TMEM132C: variants seen among roughly 807,000 people sequenced by gnomAD.
TMEM132C encodes protein phosphatase 1, regulatory subunit 152.
TMEM132C carries 29 observed loss-of-function variants against 61.4 expected under a neutral mutation model. The observed-to-expected ratio is 0.47, with a 90% CI of 0.35 to 0.64. The LOEUF is 0.64. Ranked by LOEUF, TMEM132C falls within the 30% of genes least tolerant of loss-of-function variation. The pLI, the probability that TMEM132C is intolerant of heterozygous loss-of-function variation, is 0.00. For missense variants in TMEM132C, 1,408 were observed against 1,476.9 expected, an observed-to-expected ratio of 0.95 and a Z score of 0.76; for synonymous variants, 656 against 633.1, an observed-to-expected ratio of 1.04 and a Z score of -0.54.
rs1159367108 is a variant in TMEM132C, at chr12:128,705,492, G to C, written c.2524G>C (p.Gly842Arg). The change falls in exon 9 of 9, where the codon GGC becomes CGC. Residue 842 changes from glycine (G) to arginine (R), a missense_variant. Physicochemically the swap from Gly to Arg is moderately radical, Grantham distance 125 (BLOSUM62 -2). Coordinates refer to ENST00000435159, the MANE Select transcript of TMEM132C (RefSeq NM_001136103.3). Reference sequence around the variant, plus strand: ...CACAGGCCAAGATGGGCACCTCTATGGCAGCTCTCCCGTGGAGCGTGAGGA... The same window carrying C: ...CACAGGCCAAGATGGGCACCTCTATCGCAGCTCTCCCGTGGAGCGTGAGGA... The part of the protein sequence containing the change: ...ERTGQDGHLY[G>R]SSPVEREEGA... 2 of 1,551,084 alleles carry C rather than the reference G, an allele frequency of 1.3e-6. No homozygotes were observed. The highest frequency in any genetic ancestry group is 8.7e-7 in the Non-Finnish European group (1 of 1,146,954).
At chr12:128,664,255 T>A (rs1477165041) in intron 4 of TMEM132C, among the ~76,000 whole-genome samples, 2 of 110,274 alleles carry the variant, frequency 1.8e-5, no homozygotes, top group Non-Finnish European at 4.0e-5. Flanking sequence ...AGTAATTCCA[T>A]GTTCTTATTT....
At chr12:128,502,322 C>T (rs141200794) in intron 2 of TMEM132C, among the ~76,000 whole-genome samples, 10 of 152,226 alleles carry the variant, frequency 6.6e-5, no homozygotes, top group East Asian at 1.9e-4. Context: ...GGGAGAAGAC[C>T]GAGATGTGTG....
intron 4 of TMEM132C, among the ~76,000 whole-genome samples, chr12:128,627,436 C>T (rs1565995865): frequency 6.6e-6 from 1 of 152,160 alleles, no homozygotes; most frequent in Non-Finnish European, 1.5e-5. Context: ...TTATCCCTCT[C>T]CCCCAACCAC....
chr12:128,615,979 C>G (rs1384150593), intron 3 of TMEM132C, among the ~76,000 whole-genome samples, 173 bp from the exon 4 acceptor site: 2 of 152,222 alleles, frequency 1.3e-5, no homozygotes, highest in African/African-American at 2.4e-5. Context: ...TTCTCTGTCC[C>G]AGATGCCAGT....
At chr12:128,618,651 A>G (rs1006873863) in intron 4 of TMEM132C, among the ~76,000 whole-genome samples, 5 of 152,174 alleles carry the variant, frequency 3.3e-5, no homozygotes, top group African/African-American at 1.2e-4. Flanking sequence ...ATAAGTCTCA[A>G]AAGATCTAGT....
intron 2 of TMEM132C, among the ~76,000 whole-genome samples, chr12:128,533,230 C>A (rs892839060): frequency 6.6e-6 from 1 of 152,136 alleles, no homozygotes; most frequent in Non-Finnish European, 1.5e-5. Flanking sequence ...GCAATGGGAC[C>A]CTACAGCTGC....
At chr12:128,582,507 T>TA (rs2135560313) in intron 3 of TMEM132C, among the ~76,000 whole-genome samples, 2 of 151,790 alleles carry the variant, frequency 1.3e-5, no homozygotes, top group South Asian at 2.1e-4. Flanking sequence ...TCTTGAATTG[T>TA]GCTCCCATAA....
intron 5 of TMEM132C, among the ~76,000 whole-genome samples, chr12:128,681,594 T>A (rs1349993525): frequency 6.6e-6 from 1 of 151,966 alleles, no homozygotes; most frequent in Non-Finnish European, 1.5e-5. Context: ...TCCATACTGA[T>A]CACAGTCTCT....
intron 1 of TMEM132C, among the ~76,000 whole-genome samples, chr12:128,382,251 C>G (rs1235711757): frequency 6.6e-6 from 1 of 151,982 alleles, no homozygotes; most frequent in African/African-American, 2.4e-5. Context: ...ATTTTTTTCC[C>G]TGAGTTTTAA....
At chr12:128,340,784 T>G (rs1015647978) in intron 1 of TMEM132C, among the ~76,000 whole-genome samples, 2 of 137,910 alleles carry the variant, frequency 1.5e-5, no homozygotes, top group African/African-American at 6.5e-5. Flanking sequence ...TCTTTCTTTC[T>G]CTCTCTCTCT....
intron 4 of TMEM132C, among the ~76,000 whole-genome samples, chr12:128,636,122 C>G (rs963311964): frequency 6.6e-6 from 1 of 152,188 alleles, no homozygotes; most frequent in Non-Finnish European, 1.5e-5. Flanking sequence ...ACGATCATAG[C>G]CCACTGCAGT....
Position 128,562,065 on chromosome 12 carries a change from G to A in TMEM132C, c.1121+17962G>A, listed in dbSNP as rs115683884. Among the ~76,000 whole-genome samples, 974 of 152,212 alleles carry A rather than the reference G, an allele frequency of 6.4e-3. 11 individuals are homozygous for A. The highest frequency in any genetic ancestry group is 0.022 in the African/African-American group (905 of 41,512). On this transcript the variant is annotated intron_variant, in intron 3 of 8. Coordinates refer to ENST00000435159, the MANE Select transcript of TMEM132C (RefSeq NM_001136103.3). The stretch of plus-strand genomic sequence containing the variant: ...AACCCCAAATAAGGATCCAATGCGC[G>A]TCTACCTTCCCACCACCATCTACCC...
intron 1 of TMEM132C, chr12:128,404,894 G>C (rs533718833): frequency 6.8e-6 from 1 of 146,860 alleles, no homozygotes; most frequent in African/African-American, 2.5e-5. Flanking sequence ...TGAACAACCG[G>C]TGGAGGACAC....
chr12:128,687,269 A>C (rs1450469904), intron 5 of TMEM132C, among the ~76,000 whole-genome samples: 1 of 151,704 alleles, frequency 6.6e-6, no homozygotes, highest in African/African-American at 2.4e-5. Flanking sequence ...TGAGCAAGGC[A>C]GGGATTCTCA....
chr12:128,582,065 G>A (rs1875356431), intron 3 of TMEM132C, among the ~76,000 whole-genome samples: 1 of 152,138 alleles, frequency 6.6e-6, no homozygotes, highest in African/African-American at 2.4e-5. Flanking sequence ...GTGACTGCAT[G>A]GACTTCTCGA....
chr12:128,410,498 G>A (rs1055873940), intron 1 of TMEM132C, among the ~76,000 whole-genome samples: 6 of 152,200 alleles, frequency 3.9e-5, no homozygotes, highest in Admixed American at 1.3e-4. Context: ...CACCTCCAGG[G>A]TTCAAGTGAT....
intron 1 of TMEM132C, among the ~76,000 whole-genome samples, chr12:128,399,708 C>T (rs993530010): frequency 2.6e-5 from 4 of 152,038 alleles, no homozygotes; most frequent in South Asian, 2.1e-4. Flanking sequence ...ATCAGGGGTC[C>T]GCACACTATG....
At chr12:128,585,092 C>T (rs879785315) in intron 3 of TMEM132C, among the ~76,000 whole-genome samples, 4 of 152,214 alleles carry the variant, frequency 2.6e-5, no homozygotes, top group Non-Finnish European at 5.9e-5. Context: ...ACTGATGGAC[C>T]GTCTTCACAC....
intron 3 of TMEM132C, among the ~76,000 whole-genome samples, chr12:128,561,436 C>T (rs1874516229): frequency 1.3e-5 from 2 of 152,320 alleles, no homozygotes; most frequent in African/African-American, 4.8e-5. Context: ...CTTCTGCATG[C>T]CTGTTAAACC....
Sources: allele counts gnomAD v4.1 joint callset (sites outside exome capture counted in the v4.1 genomes callset), GRCh38; gene constraint gnomAD v4.1.1; transcripts MANE v1.5; gene names NCBI Gene and HGNC (gene_info 2026-07-23, HGNC 2026-07-21).